ANKRD27: variants seen among roughly 807,000 people sequenced by gnomAD.
The protein encoded by ANKRD27 is ankyrin repeat domain-containing protein 27.
A neutral mutation model predicts 129.7 loss-of-function variants in ANKRD27; 112 were observed. That is an observed-to-expected ratio of 0.86 (90% CI 0.74 to 1.01). The LOEUF (loss-of-function observed/expected upper bound fraction) is 1.01. Ranked by LOEUF, ANKRD27 falls within the 50% of genes least tolerant of loss-of-function variation. The probability of loss-of-function intolerance (pLI) is 0.00; values close to 1 mark genes in which losing one functional copy is unlikely to be tolerated. For missense variants in ANKRD27, 1,258 were observed against 1,300.5 expected (o/e 0.97, Z 0.50); for synonymous variants, 516 against 511.2 (o/e 1.01, Z -0.13).
intron 18 of ANKRD27, among the ~76,000 whole-genome samples, chr19:32,622,039 T>A (rs1160799568): frequency 2.6e-5 from 4 of 151,870 alleles, no homozygotes; most frequent in Admixed American, 6.6e-5. Flanking sequence ...ACTGGCCGAG[T>A]CTCAATAAAG....
intron 2 of ANKRD27, among the ~76,000 whole-genome samples, chr19:32,654,004 G>A (rs998063166): frequency 6.6e-6 from 1 of 152,060 alleles, no homozygotes; most frequent in East Asian, 1.9e-4. Flanking sequence ...GGGTTCACGC[G>A]ATTCTCCTGC....
At chr19:32,671,230 A>G (rs1967863580) in intron 1 of ANKRD27, among the ~76,000 whole-genome samples, 1 of 151,778 alleles carries the variant, frequency 6.6e-6, no homozygotes, top group African/African-American at 2.4e-5. Flanking sequence ...CAAGGCTGCA[A>G]TGAGTTATGA....
intron 10 of ANKRD27, among the ~76,000 whole-genome samples, chr19:32,641,031 T>TGG (rs1967190651): frequency 6.6e-6 from 1 of 152,220 alleles, no homozygotes; most frequent in East Asian, 1.9e-4. Context: ...CCTGAGCAGC[T>TGG]GGGACTACAG....
At chr19:32,645,123 T>C (rs1304547470) in intron 4 of ANKRD27, among the ~76,000 whole-genome samples, 3 of 152,144 alleles carry the variant, frequency 2.0e-5, no homozygotes, top group African/African-American at 4.8e-5. Context: ...TTTAAAAAAA[T>C]AATTTATTGG....
rs1178085797 is a variant in ANKRD27, at chr19:32,607,839, A to G, written c.2176-7T>C. 2 of 1,599,116 alleles carry G rather than the reference A, an allele frequency of 1.3e-6. No homozygotes were observed. The highest frequency in any genetic ancestry group is 1.7e-6 in the Non-Finnish European group (2 of 1,173,368). On this transcript the variant is annotated splice_polypyrimidine_tract_variant and splice_region_variant and intron_variant, in intron 22 of 28. Transcript: ENST00000306065. The stretch of plus-strand genomic sequence containing the variant: ...CAGGAACCTTCGCCAGCCTCTGGGA[A>G]GCGCAGAAGATGGAAACACAAACGT...
chr19:32,673,164 G>T, intron 1 of ANKRD27: 1 of 379,968 alleles, frequency 2.6e-6, no homozygotes, highest in Non-Finnish European at 3.6e-6. Flanking sequence ...AGACACCTCT[G>T]CCTGCCCTCC....
At chr19:32,644,904 G>A (rs1967272839) in intron 4 of ANKRD27, among the ~76,000 whole-genome samples, 1 of 152,118 alleles carries the variant, frequency 6.6e-6, no homozygotes, top group East Asian at 1.9e-4. Flanking sequence ...ATAACTCATG[G>A]GGGCAACAGT....
intron 1 of ANKRD27, among the ~76,000 whole-genome samples, chr19:32,671,708 C>T (rs747080130): frequency 8.5e-5 from 13 of 152,162 alleles, no homozygotes; most frequent in Non-Finnish European, 1.3e-4. Context: ...ACAAAACAAA[C>T]AAAAGAATTA....
At chr19:32,671,297 A>AAG (rs1967865658) in intron 1 of ANKRD27, among the ~76,000 whole-genome samples, 1 of 151,632 alleles carries the variant, frequency 6.6e-6, no homozygotes, top group African/African-American at 2.4e-5. Context: ...CCAAAAAAAA[A>AAG]AAGTAATAAT....
At chr19:32,636,733 A>C (rs1326634725) in intron 12 of ANKRD27, among the ~76,000 whole-genome samples, 20 of 147,626 alleles carry the variant, frequency 1.4e-4, no homozygotes, top group African/African-American at 5.0e-4. Context: ...CTATATATAT[A>C]TATATATTTT....
intron 17 of ANKRD27, among the ~76,000 whole-genome samples, chr19:32,624,387 T>C (rs549650010): frequency 2.7e-4 from 39 of 144,056 alleles, no homozygotes; most frequent in Non-Finnish European, 5.4e-4. Context: ...AAAAAAAGAA[T>C]GTGCTAGATC....
rs762932720 is a variant in ANKRD27, at chr19:32,640,323, T to G, written c.967A>C (p.Thr323Pro). The G allele has an allele frequency of 6.2e-7, 1 of 1,613,660 alleles. No individual in the cohort carries two copies. The highest frequency in any genetic ancestry group is 8.5e-7 in the Non-Finnish European group (1 of 1,179,696). ...LSVLLYLLVK[T>P]EIPNWMANLS... ...AAATGTTACCAATTAGGGATCTCCGTTTTCACAAGCAAGTATAACAGGACT... is the reference window on the plus strand; with the variant it reads ...AAATGTTACCAATTAGGGATCTCCGGTTTCACAAGCAAGTATAACAGGACT... Residue 323 changes from threonine (T) to proline (P), a missense_variant, in exon 11 of 29, where the codon ACG (threonine) becomes CCG (proline). Coordinates refer to ENST00000306065, the MANE Select transcript of ANKRD27 (RefSeq NM_032139.3).
intron 24 of ANKRD27, among the ~76,000 whole-genome samples, chr19:32,605,392 G>C (rs1009336134): frequency 1.3e-5 from 2 of 152,130 alleles, no homozygotes; most frequent in Non-Finnish European, 2.9e-5. Context: ...AAATAACACT[G>C]AAACTATACA....
At chr19:32,614,794 A>T (rs528500086) in intron 22 of ANKRD27, among the ~76,000 whole-genome samples, 1 of 152,294 alleles carries the variant, frequency 6.6e-6, no homozygotes, top group East Asian at 1.9e-4. Flanking sequence ...ATGTGGCACA[A>T]CTGTACAGAA....
intron 22 of ANKRD27, 31 bp from the exon 23 acceptor site, chr19:32,607,863 G>A (rs189432736): frequency 4.8e-5 from 75 of 1,574,132 alleles, no homozygotes; most frequent in Non-Finnish European, 5.9e-5. Context: ...AAACACAAAC[G>A]TCATCAGTAT....
intron 13 of ANKRD27, 50 bp from the exon 14 acceptor site, chr19:32,628,899 A>G (rs755422112): frequency 6.2e-7 from 1 of 1,602,618 alleles, no homozygotes; most frequent in Admixed American, 1.7e-5. Context: ...TTACTCAATT[A>G]TTAGGAGTAA....
At chr19:32,615,571 G>A (rs768896485) in intron 22 of ANKRD27, 87 bp downstream of exon 22, 161 of 1,606,820 alleles carry the variant, frequency 1.0e-4, no homozygotes, top group Non-Finnish European at 1.2e-4. Flanking sequence ...GTGACAGAAC[G>A]AGACCCTGTC....
At chr19:32,632,449 G>A (rs1967011910) in intron 12 of ANKRD27, among the ~76,000 whole-genome samples, 1 of 152,092 alleles carries the variant, frequency 6.6e-6, no homozygotes, top group South Asian at 2.1e-4. Context: ...GCCGGGTGTG[G>A]TGGCGGGCGC....
chr19:32,615,821 C>T (rs773976998), intron 21 of ANKRD27, 41 bp from the exon 22 acceptor site: 16 of 1,597,126 alleles, frequency 1.0e-5, no homozygotes, highest in Non-Finnish European at 1.4e-5. Flanking sequence ...ACATCCTCAG[C>T]GTCTTTGCAT....
Sources: allele counts gnomAD v4.1 joint callset (sites outside exome capture counted in the v4.1 genomes callset), GRCh38; gene constraint gnomAD v4.1.1; transcripts MANE v1.5; gene names NCBI Gene and HGNC (gene_info 2026-07-23, HGNC 2026-07-21).